TMEM242: variants seen among roughly 807,000 people sequenced by gnomAD.
The protein encoded by TMEM242 is UPF0463 transmembrane protein C6orf35.
A neutral mutation model predicts 18.2 loss-of-function variants in TMEM242; 10 were observed. The observed-to-expected ratio is 0.55, with a 90% confidence interval of 0.34 to 0.93. TMEM242 has a LOEUF of 0.93. Among genes scored for constraint, TMEM242 ranks in the 40% least tolerant of loss-of-function variants. The probability of loss-of-function intolerance (pLI) is 0.02; values close to 1 mark genes in which losing one functional copy is unlikely to be tolerated. For missense variants in TMEM242, 186 were observed against 175.5 expected (o/e 1.06, Z -0.34); for synonymous variants, 57 against 69.9 (o/e 0.81, Z 0.92).
At chr6:157,322,833 G>A in intron 1 of TMEM242, 28 bp from the exon 2 acceptor site, 4 of 1,568,368 alleles carry the variant, frequency 2.6e-6, no homozygotes, top group Non-Finnish European at 3.5e-6. Flanking sequence ...GAGGAGGGGG[G>A]ATATTAAAAA....
At chr6:157,313,304 G>A (rs1554249689) in intron 3 of TMEM242, among the ~76,000 whole-genome samples, 5 of 151,540 alleles carry the variant, frequency 3.3e-5, no homozygotes, top group East Asian at 1.9e-4. Context: ...CATCATCATA[G>A]TGTCCCAGTG....
At position 157,289,446 on chromosome 6, in the gene TMEM242, T is replaced by C. The variant is rs1777654905; in HGVS notation, c.*3455A>G. The C allele has an allele frequency of 6.6e-6, 1 of 152,236 alleles. No homozygotes were observed. Among genetic ancestry groups the C allele is most frequent in the African/African-American group, 2.4e-5 (1 of 41,454 alleles). 9.4% of individuals were successfully genotyped at this position (152,236 alleles called of 1,614,324 possible). A position where few individuals can be genotyped will look rare whatever the true frequency, so the allele number is the denominator to read the frequency against. ...GCAAAAACACTTCACTTGAACATGG[T>C]ATTATAAAAATATGTATTTTACTAA... is the stretch of plus-strand genomic sequence containing the variant. On this transcript the variant is annotated 3_prime_UTR_variant, in exon 4 of 4. Coordinates refer to ENST00000400788, the MANE Select transcript of TMEM242 (RefSeq NM_018452.6).
chr6:157,319,574 T>C (rs1230592649), intron 2 of TMEM242, among the ~76,000 whole-genome samples: 32 of 152,240 alleles, frequency 2.1e-4, no homozygotes, highest in Non-Finnish European at 7.3e-5. Flanking sequence ...CCATTCAGCA[T>C]CTATTATTGC....
chr6:157,296,652 C>T (rs1331469358), intron 3 of TMEM242, among the ~76,000 whole-genome samples: 18 of 152,206 alleles, frequency 1.2e-4, no homozygotes, highest in African/African-American at 4.1e-4. Context: ...CACTGCACTC[C>T]AGCCTGGGCC....
intron 3 of TMEM242, among the ~76,000 whole-genome samples, chr6:157,293,467 A>G (rs868913491): frequency 1.3e-5 from 2 of 152,288 alleles, no homozygotes; most frequent in Middle Eastern, 3.4e-3. Context: ...AAGAGTGTGT[A>G]TTGTTGGCTT....
At chr6:157,308,557 T>C (rs1777946911) in intron 3 of TMEM242, among the ~76,000 whole-genome samples, 1 of 152,208 alleles carries the variant, frequency 6.6e-6, no homozygotes, top group African/African-American at 2.4e-5. Flanking sequence ...AATATATCTG[T>C]TTTATTTACA....
At chr6:157,304,436 G>T (rs1777876385) in intron 3 of TMEM242, among the ~76,000 whole-genome samples, 1 of 118,994 alleles carries the variant, frequency 8.4e-6, no homozygotes, top group Admixed American at 1.1e-4. Context: ...CTGAACTCCA[G>T]CCTGGGTGAC....
intron 3 of TMEM242, 112 bp from the exon 4 acceptor site, chr6:157,293,111 C>A: frequency 1.5e-6 from 1 of 688,716 alleles, no homozygotes; most frequent in South Asian, 1.8e-5. Flanking sequence ...AGATACAGAG[C>A]TAAGGAACAT....
intron 3 of TMEM242, among the ~76,000 whole-genome samples, chr6:157,303,506 C>CT (rs1458144488): frequency 1.3e-5 from 2 of 152,170 alleles, no homozygotes; most frequent in Non-Finnish European, 2.9e-5. Flanking sequence ...AAACAAAAAT[C>CT]TATTACAGTG....
chr6:157,310,948 G>T (rs1554248517), intron 3 of TMEM242, among the ~76,000 whole-genome samples: 1 of 149,470 alleles, frequency 6.7e-6, no homozygotes, highest in Admixed American at 6.6e-5. Flanking sequence ...TAGTGCCCCA[G>T]TGTGCACTCA....
intron 3 of TMEM242, among the ~76,000 whole-genome samples, chr6:157,312,745 C>A (rs1583569935): frequency 6.8e-5 from 5 of 73,670 alleles, no homozygotes; most frequent in East Asian, 4.1e-4. Flanking sequence ...TGTGCGCTCA[C>A]CTGGCCTCAT....
intron 3 of TMEM242, among the ~76,000 whole-genome samples, chr6:157,295,144 A>G (rs1777735072): frequency 6.6e-6 from 1 of 152,212 alleles, no homozygotes; most frequent in African/African-American, 2.4e-5. Flanking sequence ...TTTTTAGTTT[A>G]CATATTCTGT....
intron 3 of TMEM242, among the ~76,000 whole-genome samples, chr6:157,313,642 A>T (rs1778291462): frequency 3.3e-5 from 5 of 151,316 alleles, no homozygotes; most frequent in African/African-American, 1.2e-4. Flanking sequence ...GCCACATCAC[A>T]GTGTCCCAGT....
intron 3 of TMEM242, among the ~76,000 whole-genome samples, chr6:157,313,823 G>A (rs1583573012): frequency 8.4e-6 from 1 of 118,894 alleles, no homozygotes. Context: ...GCGCCCCAGT[G>A]TGCGCTCACC....
chr6:157,314,607 T>C (rs1778352866), intron 3 of TMEM242, among the ~76,000 whole-genome samples: 1 of 152,202 alleles, frequency 6.6e-6, no homozygotes, highest in African/African-American at 2.4e-5. Context: ...TTTCTCCCCA[T>C]TGTCAATGCT....
intron 3 of TMEM242, among the ~76,000 whole-genome samples, chr6:157,310,299 A>C (rs1319779637): frequency 7.8e-6 from 1 of 128,814 alleles, no homozygotes; most frequent in Non-Finnish European, 1.7e-5. Flanking sequence ...AGTTCCTTAA[A>C]GCATTTACCT....
chr6:157,323,293 G>A, intron 1 of TMEM242, 119 bp downstream of exon 1: 1 of 1,154,972 alleles, frequency 8.7e-7, no homozygotes, highest in Non-Finnish European at 1.2e-6. Flanking sequence ...TAAACTCAGG[G>A]GCAAGCACAA....
intron 3 of TMEM242, among the ~76,000 whole-genome samples, chr6:157,312,884 A>G (rs797039313): frequency 0.12 from 1,645 of 13,280 alleles, 1 homozygote; most frequent in African/African-American, 0.15. Flanking sequence ...GCACTCACCT[A>G]GCCTCATCAT....
rs782524419 is a variant in TMEM242, at chr6:157,323,474, C to A, written c.26G>T (p.Gly9Val). The A allele has an allele frequency of 1.2e-6, 2 of 1,614,004 alleles. No homozygotes were observed. The highest frequency in any genetic ancestry group is 3.3e-5 in the Admixed American group (2 of 60,026). ...AGCCTCCAGCCCAGAGGCCGGCTGCCCAGTTGCAGCGCCCGCTGTCTCCAT... is the reference window on the plus strand; with the variant it reads ...AGCCTCCAGCCCAGAGGCCGGCTGCACAGTTGCAGCGCCCGCTGTCTCCAT... METAGAAT[G>V]QPASGLEAPG... Residue 9 changes from glycine (G) to valine (V), a missense_variant, in exon 1 of 4, where the codon GGG (glycine) becomes GTG (valine). Gly to Val is a moderately radical substitution (Grantham distance 109). Transcript: ENST00000400788.
Sources: gnomAD v4.1 joint callset for allele counts (sites outside exome capture counted in the v4.1 genomes callset) on GRCh38, gnomAD v4.1.1 for gene constraint, MANE v1.5 for transcripts, NCBI Gene and HGNC (gene_info 2026-07-23, HGNC 2026-07-21) for gene names.